Variants in GRK5 observed in about 807,000 individuals in gnomAD.
The protein encoded by GRK5 is G protein-coupled receptor kinase 5.
In GRK5, 40 loss-of-function variants were observed where a neutral mutation model predicts 78.4. That is an observed-to-expected ratio of 0.51 (90% CI 0.40 to 0.66). The LOEUF is 0.66. Among genes scored for constraint, GRK5 ranks in the 30% least tolerant of loss-of-function variants. The pLI is 0.00. For synonymous variants in GRK5, 289 were observed against 296.8 expected (o/e 0.97, Z 0.27); for missense variants, 598 against 759.9 (o/e 0.79, Z 2.50).
intron 3 of GRK5, among the ~76,000 whole-genome samples, chr10:119,393,327 G>A (rs546214498): frequency 3.3e-5 from 5 of 152,392 alleles, no homozygotes; most frequent in African/African-American, 4.8e-5. Context: ...CCCATCCACC[G>A]GCGGGGCCTC....
intron 13 of GRK5, among the ~76,000 whole-genome samples, chr10:119,448,661 C>T (rs1366342763): frequency 6.6e-6 from 1 of 152,170 alleles, no homozygotes; most frequent in Non-Finnish European, 1.5e-5. Context: ...ACATTCAGTT[C>T]ATCTTGACCA....
At chr10:119,373,317 A>G (rs1851576340) in intron 2 of GRK5, among the ~76,000 whole-genome samples, 1 of 152,228 alleles carries the variant, frequency 6.6e-6, no homozygotes, top group African/African-American at 2.4e-5. Context: ...GTCCCCACCT[A>G]AATCTCATGT....
chr10:119,444,625 C>T (rs1853106709), intron 12 of GRK5, among the ~76,000 whole-genome samples: 1 of 152,170 alleles, frequency 6.6e-6, no homozygotes, highest in African/African-American at 2.4e-5. Context: ...CCCTCTAATG[C>T]CAGCCTCATA....
chr10:119,240,189 CTTT>C (rs55905745), intron 1 of GRK5, among the ~76,000 whole-genome samples: 807 of 69,636 alleles, frequency 0.012, 4 homozygotes, highest in Admixed American at 0.025. Context: ...TGTTTCCCGA[CTTT>C]TTTTTTTTTT....
At chr10:119,416,935 C>T (rs1241859013) in intron 4 of GRK5, among the ~76,000 whole-genome samples, 5 of 152,136 alleles carry the variant, frequency 3.3e-5, no homozygotes, top group South Asian at 2.1e-4. Context: ...TTGCAGAGGC[C>T]GTACTCCTCT....
At chr10:119,324,567 T>C (rs1300686603) in intron 1 of GRK5, among the ~76,000 whole-genome samples, 3 of 151,908 alleles carry the variant, frequency 2.0e-5, no homozygotes, top group African/African-American at 7.3e-5. Flanking sequence ...GAGGCAGAGG[T>C]TGCAGTGAAC....
At chr10:119,374,741 G>T (rs1851597931) in intron 2 of GRK5, among the ~76,000 whole-genome samples, 1 of 148,714 alleles carries the variant, frequency 6.7e-6, no homozygotes. Flanking sequence ...TGTTGAGGTG[G>T]AGCCTGGTGG....
In GRK5 at chr10:119,379,245, G is replaced by T. The variant is rs1851674435; in HGVS notation, c.149-1570G>T. 6.6e-6 allele frequency among the ~76,000 whole-genome samples: 1 copy of T among 152,126 alleles called. No individual in the cohort carries two copies. The highest frequency in any genetic ancestry group is 2.1e-4 in the South Asian group (1 of 4,830). On this transcript the variant is annotated intron_variant, in intron 2 of 15. Transcript: ENST00000392870. The surrounding 1 kb of genome is among the most constrained non-coding windows in gnomAD (Gnocchi z 4.1). Reference sequence around the variant, plus strand: ...GTCCTAGGAGTTAGGTCTGCTTACCGTCCGCAGTTTACAGACTAGACAACT... The same window carrying T: ...GTCCTAGGAGTTAGGTCTGCTTACCTTCCGCAGTTTACAGACTAGACAACT...
chr10:119,439,642 C>A, intron 9 of GRK5, 89 bp from the exon 10 acceptor site: 1 of 1,277,908 alleles, frequency 7.8e-7, no homozygotes, highest in South Asian at 1.2e-5. Flanking sequence ...CCACTCAGGC[C>A]TGATTAGCCC....
intron 1 of GRK5, among the ~76,000 whole-genome samples, chr10:119,254,676 A>G (rs1014460161): frequency 1.3e-5 from 2 of 152,036 alleles, no homozygotes; most frequent in African/African-American, 4.8e-5. Context: ...ACTCTGGACT[A>G]TTTCTCCAGG....
rs1297885644 is a variant in GRK5, at chr10:119,378,805, T to C, written c.149-2010T>C. ...TTCCTGGAAGTTCTGGCAAAAGCCC[T>C]GGGAGGACTCCGGGGCCCCCACGGA... On this transcript the variant is annotated intron_variant, in intron 2 of 15. Transcript: ENST00000392870. The surrounding 1 kb of genome is among the most constrained non-coding windows in gnomAD (Gnocchi z 4.5). Among the ~76,000 whole-genome samples the C allele has an allele frequency of 6.6e-6, 1 of 152,236 alleles. No homozygotes were observed. The highest frequency in any genetic ancestry group is 1.5e-5 in the Non-Finnish European group (1 of 68,026).
At chr10:119,220,992 A>T (rs1010096271) in intron 1 of GRK5, among the ~76,000 whole-genome samples, 1 of 151,986 alleles carries the variant, frequency 6.6e-6, no homozygotes, top group Admixed American at 6.6e-5. Context: ...TGTCTCTACT[A>T]AAAATACAAA....
intron 1 of GRK5, among the ~76,000 whole-genome samples, chr10:119,232,493 A>G (rs562986170): frequency 2.0e-5 from 3 of 152,214 alleles, no homozygotes; most frequent in Non-Finnish European, 4.4e-5. Context: ...CCTAACTGAT[A>G]TGGTTTGGCT....
At chr10:119,407,010 G>A (rs373614620) in intron 4 of GRK5, among the ~76,000 whole-genome samples, 2 of 152,202 alleles carry the variant, frequency 1.3e-5, no homozygotes, top group East Asian at 1.9e-4. Context: ...CAGGATGGGC[G>A]CCCAGGGAAA....
chr10:119,226,307 A>T (rs1281290981), intron 1 of GRK5, among the ~76,000 whole-genome samples: 51 of 130,112 alleles, frequency 3.9e-4, no homozygotes, highest in East Asian at 9.0e-4. Context: ...TTTTTTTTTA[A>T]TTTTAATTTT....
chr10:119,220,728 G>A (rs930192730), intron 1 of GRK5, among the ~76,000 whole-genome samples: 3 of 151,878 alleles, frequency 2.0e-5, no homozygotes, highest in Non-Finnish European at 4.4e-5. Context: ...TCGGCTACTT[G>A]GGAGGCTGAG....
chr10:119,331,126 C>T (rs1044951694), intron 2 of GRK5, among the ~76,000 whole-genome samples: 15 of 152,012 alleles, frequency 9.9e-5, no homozygotes, highest in Admixed American at 3.9e-4. Flanking sequence ...CCATGGACCA[C>T]CCCCCCGCCG....
At chr10:119,372,057 C>T (rs1851556108) in intron 2 of GRK5, among the ~76,000 whole-genome samples, 1 of 152,216 alleles carries the variant, frequency 6.6e-6, no homozygotes, top group Non-Finnish European at 1.5e-5. Context: ...ACATCCCTGG[C>T]CTCCACCCAC....
In GRK5 at chr10:119,286,265, G is replaced by A. The variant is rs545204765; in HGVS notation, c.53-40251G>A. On this transcript the variant is annotated intron_variant, in intron 1 of 15. Coordinates refer to ENST00000392870, the MANE Select transcript of GRK5 (RefSeq NM_005308.3). ...TAACTATTTCATCAGGGCAATTTGAGCTCACTGTTACAGTAATCCCTTTCA... is the reference window on the plus strand; with the variant it reads ...TAACTATTTCATCAGGGCAATTTGAACTCACTGTTACAGTAATCCCTTTCA... Among the ~76,000 whole-genome samples the A allele has an allele frequency of 2.4e-4, 37 of 152,328 alleles. No homozygotes were observed. The South Asian group carries it at 4.8e-3, about 20-fold the overall frequency.
Sources: gnomAD v4.1 joint callset for allele counts (sites outside exome capture counted in the v4.1 genomes callset) on GRCh38, gnomAD v4.1.1 for gene constraint, Gnocchi (gnomAD v3.1) non-coding constraint, MANE v1.5 for transcripts, NCBI Gene and HGNC (gene_info 2026-07-23, HGNC 2026-07-21) for gene names.